MAGI1: variants seen among roughly 807,000 people sequenced by gnomAD.
The protein encoded by MAGI1 is membrane associated guanylate kinase, WW and PDZ domain containing 1, also known as membrane-associated guanylate kinase, WW and PDZ domain-containing protein 1.
Under a neutral mutation model 139.9 loss-of-function variants are expected in MAGI1, and 58 were observed. That is an observed-to-expected ratio of 0.41 (90% CI 0.34 to 0.52). The LOEUF is 0.52. MAGI1 is among the 20% of genes least tolerant of loss of function. The probability of loss-of-function intolerance (pLI) is 0.12; values close to 1 mark genes in which losing one functional copy is unlikely to be tolerated. For missense variants in MAGI1, 1,874 were observed against 1,901.6 expected, an observed-to-expected ratio of 0.99 and a Z score of 0.27; for synonymous variants, 812 against 737.9, an observed-to-expected ratio of 1.10 and a Z score of -1.63.
chr3:65,402,779 G>A (rs890124411), intron 12 of MAGI1, among the ~76,000 whole-genome samples: 1 of 152,170 alleles, frequency 6.6e-6, no homozygotes, highest in African/African-American at 2.4e-5. Context: ...TGCCCACTGG[G>A]AGTGAGGCAT....
chr3:65,586,840 T>C (rs921037509), intron 2 of MAGI1, among the ~76,000 whole-genome samples: 7 of 152,210 alleles, frequency 4.6e-5, no homozygotes, highest in African/African-American at 1.7e-4. Flanking sequence ...CATTCTGCAT[T>C]CTGGAAAATG....
intron 2 of MAGI1, among the ~76,000 whole-genome samples, chr3:65,620,683 T>G (rs2083616121): frequency 6.6e-6 from 1 of 152,240 alleles, no homozygotes; most frequent in African/African-American, 2.4e-5. Context: ...CTAAAAGAAC[T>G]GAGGACCACA....
At chr3:65,865,579 G>C (rs919575148) in intron 1 of MAGI1, among the ~76,000 whole-genome samples, 1 of 152,196 alleles carries the variant, frequency 6.6e-6, no homozygotes, top group African/African-American at 2.4e-5. Flanking sequence ...CTGGGTGACA[G>C]AGTGAGATCC....
At chr3:65,869,368 TTG>T (rs1180386595) in intron 1 of MAGI1, among the ~76,000 whole-genome samples, 1 of 24,918 alleles carries the variant, frequency 4.0e-5, no homozygotes, top group Admixed American at 5.9e-4. Flanking sequence ...GACTGGTTTT[TTG>T]TTGTTGTTGT....
At chr3:65,383,219 A>G (rs755645279) in intron 15 of MAGI1, among the ~76,000 whole-genome samples, 9 of 152,206 alleles carry the variant, frequency 5.9e-5, no homozygotes, top group Non-Finnish European at 5.9e-5. Flanking sequence ...GGACCAGGCC[A>G]CTGTGATATT....
intron 2 of MAGI1, among the ~76,000 whole-genome samples, chr3:65,541,884 C>G (rs2079244559): frequency 6.6e-6 from 1 of 152,150 alleles, no homozygotes; most frequent in African/African-American, 2.4e-5. Context: ...TCTCTCTCAC[C>G]ACTCCTATTC....
At chr3:65,604,732 T>TAA (rs550716750) in intron 2 of MAGI1, among the ~76,000 whole-genome samples, 2 of 142,958 alleles carry the variant, frequency 1.4e-5, no homozygotes, top group Admixed American at 7.0e-5. Flanking sequence ...ACTGCTTATT[T>TAA]AAAAAAAAAA....
At chr3:65,787,302 C>T (rs2039462405) in intron 1 of MAGI1, among the ~76,000 whole-genome samples, 1 of 151,958 alleles carries the variant, frequency 6.6e-6, no homozygotes, top group Non-Finnish European at 1.5e-5. Context: ...AGTTTATAAG[C>T]CACTGGAGCA....
In MAGI1 at chr3:65,882,450, G is replaced by T. The variant is rs553931261; in HGVS notation, c.313+155546C>A. ...TCAGTTCCATACTCAAATTCAGGAA[G>T]AGTATGTCTGATTGACAGAGCTTAA... is the stretch of plus-strand genomic sequence containing the variant. On this transcript the variant is annotated intron_variant, in intron 1 of 22. Transcript: ENST00000402939. 6.6e-5 allele frequency among the ~76,000 whole-genome samples: 10 copies of T among 152,250 alleles called. No homozygotes were observed. In the South Asian group the frequency reaches 1.9e-3, roughly 28 times the overall value.
At chr3:65,573,667 C>T (rs12632652) in intron 2 of MAGI1, among the ~76,000 whole-genome samples, 55,479 of 151,872 alleles carry the variant, frequency 0.37, 11,480 homozygotes, top group East Asian at 0.61. Context: ...TGTTTTTTCC[C>T]TAAAATTGAG....
chr3:65,754,489 T>C (rs995323511), intron 1 of MAGI1, among the ~76,000 whole-genome samples: 5 of 152,246 alleles, frequency 3.3e-5, no homozygotes, highest in African/African-American at 9.6e-5. Flanking sequence ...AAGAAAGTTA[T>C]TCCATAAGCC....
At chr3:65,837,652 C>T (rs977124557) in intron 1 of MAGI1, among the ~76,000 whole-genome samples, 1 of 152,192 alleles carries the variant, frequency 6.6e-6, no homozygotes, top group Non-Finnish European at 1.5e-5. Context: ...AATACGAATG[C>T]AAAGCGCGAA....
chr3:65,645,073 T>C (rs2085187205), intron 1 of MAGI1, among the ~76,000 whole-genome samples: 1 of 151,746 alleles, frequency 6.6e-6, no homozygotes, highest in East Asian at 1.9e-4. Flanking sequence ...CAGGGATCTT[T>C]GGGACTCTAA....
chr3:66,020,118 C>T (rs991651295), intron 1 of MAGI1, among the ~76,000 whole-genome samples: 1 of 152,162 alleles, frequency 6.6e-6, no homozygotes, highest in African/African-American at 2.4e-5. Context: ...GCATATCACC[C>T]GTTTGCCCCT....
chr3:65,872,091 G>A (rs1245235652), intron 1 of MAGI1, among the ~76,000 whole-genome samples: 1 of 151,178 alleles, frequency 6.6e-6, no homozygotes, highest in Non-Finnish European at 1.5e-5. Context: ...GGGAAAACTG[G>A]GAAAATTAAC....
chr3:66,038,304 G>A lies in MAGI1; in HGVS notation c.5C>T (p.Ser2Phe). 6.4e-7 allele frequency: 1 copy of A among 1,572,336 alleles called. No homozygotes were observed. Among genetic ancestry groups the A allele is most frequent in the Non-Finnish European group, 8.6e-7 (1 of 1,157,998 alleles). The part of the protein sequence containing the change: M[S>F]KVIQKKNHWT... ...GTGGTTCTTCTTCTGGATCACTTTG[G>A]ACATGATGAGTTACACCCCTCCTCC... Residue 2 changes from serine to phenylalanine, a missense_variant, in exon 1 of 23, where the codon TCC becomes TTC. Physicochemically the swap from Ser to Phe is radical, Grantham distance 155. Around this residue, in one of 5 missense-constraint regions of MAGI1, gnomAD observed 648 missense variants for 598.1 expected, o/e 1.08. Coordinates refer to ENST00000402939, the MANE Select transcript of MAGI1 (RefSeq NM_001033057.2).
chr3:65,448,469 A>G (rs1948808259), intron 6 of MAGI1, among the ~76,000 whole-genome samples: 1 of 152,152 alleles, frequency 6.6e-6, no homozygotes, highest in African/African-American at 2.4e-5. Context: ...AGGCAATTAT[A>G]CTCACAATTA....
At chr3:65,650,426 T>C (rs1339910223) in intron 1 of MAGI1, among the ~76,000 whole-genome samples, 5 of 152,124 alleles carry the variant, frequency 3.3e-5, no homozygotes, top group Admixed American at 1.3e-4. Context: ...CTGTGGCACA[T>C]CCATATCATG....
intron 1 of MAGI1, among the ~76,000 whole-genome samples, chr3:65,951,677 G>A (rs527511837): frequency 2.0e-5 from 3 of 152,040 alleles, no homozygotes; most frequent in South Asian, 2.1e-4. Context: ...CAAGTGGTTC[G>A]CATTATATTT....
Sources: gnomAD v4.1 joint callset for allele counts (sites outside exome capture counted in the v4.1 genomes callset) on GRCh38, gnomAD v4.1.1 for gene constraint, gnomAD v4.1.1 regional missense constraint, MANE v1.5 for transcripts, NCBI Gene and HGNC (gene_info 2026-07-23, HGNC 2026-07-21) for gene names.